CAPN7: variants seen among roughly 807,000 people sequenced by gnomAD.
CAPN7 encodes the protein calpain 7, also known as calpain-7.
A neutral mutation model predicts 115.2 loss-of-function variants in CAPN7; 72 were observed. The ratio of observed to expected loss-of-function variants is 0.63; its 90% CI spans 0.52 to 0.76. The LOEUF (loss-of-function observed/expected upper bound fraction) is 0.76. Ranked by LOEUF, CAPN7 falls within the 30% of genes least tolerant of loss-of-function variation. CAPN7 has a pLI of 0.00. For missense variants in CAPN7, 905 were observed against 971.5 expected (o/e 0.93, Z 0.91); for synonymous variants, 344 against 322.3 (o/e 1.07, Z -0.72).
chr3:15,214,689 C>T (rs972321457), intron 2 of CAPN7, among the ~76,000 whole-genome samples: 2 of 152,148 alleles, frequency 1.3e-5, no homozygotes, highest in African/African-American at 4.8e-5. Context: ...CTGCCCTCAG[C>T]CTGGATGACA....
At chr3:15,212,492 GTTAGGA>G (rs987498309) in intron 2 of CAPN7, among the ~76,000 whole-genome samples, 32 of 152,332 alleles carry the variant, frequency 2.1e-4, no homozygotes, top group African/African-American at 7.7e-4. Flanking sequence ...CATTGGCAAA[GTTAGGA>G]TTAGGATTCA....
intron 1 of CAPN7, among the ~76,000 whole-genome samples, chr3:15,207,132 G>C (rs2044674469): frequency 6.6e-6 from 1 of 152,138 alleles, no homozygotes; most frequent in Non-Finnish European, 1.5e-5. Flanking sequence ...AAGCCTGAAT[G>C]GTACAGCCTG....
Position 15,220,853 on chromosome 3 carries a change from A to G in CAPN7, c.510A>G (p.Pro170=), listed in dbSNP as rs1693938160. 2.5e-6 allele frequency: 4 copies of G among 1,614,058 alleles called. No homozygotes were observed. Among genetic ancestry groups the G allele is most frequent in the East Asian group, 2.2e-5 (1 of 44,896 alleles). The change falls in exon 5 of 21, where the codon CCA becomes CCG. Residue 170 remains proline (P), a synonymous_variant. Coordinates refer to ENST00000253693, the MANE Select transcript of CAPN7 (RefSeq NM_014296.3). ...GTTCAACAAGTGTTAAGCCAAAGCC[A>G]CCTCCAGTGAGAGCACATTTTCCAC... is the stretch of plus-strand genomic sequence containing the variant. ...KISSTSVKPK[P]PPVRAHFPLG... is the part of the protein sequence containing the mutation.
chr3:15,212,065 A>G lies in CAPN7; in HGVS notation c.103-39A>G, dbSNP rs180855962. ...TGTGATAAAGAAAATTCAAGTTGTAATACATCTATTGGATTCCTTTGAATT... is the reference window on the plus strand; with the variant it reads ...TGTGATAAAGAAAATTCAAGTTGTAGTACATCTATTGGATTCCTTTGAATT... On this transcript the variant is annotated intron_variant, in intron 1 of 20. Transcript: ENST00000253693. The G allele has an allele frequency of 3.0e-3, 3,883 of 1,279,130 alleles. 25 individuals are homozygous for G. The highest frequency in any genetic ancestry group is 0.014 in the South Asian group (962 of 69,890). The allele number at this position is 1,279,130 out of a possible 1,614,324, so 79.2% of individuals were successfully genotyped here. A position where few individuals can be genotyped will look rare whatever the true frequency, so the allele number is the denominator to read the frequency against.
chr3:15,242,656 G>A (rs1250438648), intron 16 of CAPN7, among the ~76,000 whole-genome samples: 3 of 152,218 alleles, frequency 2.0e-5, no homozygotes, highest in Middle Eastern at 3.4e-3. Flanking sequence ...GCTTCTCACA[G>A]TTGACATAGT....
Position 15,236,419 on chromosome 3 carries a change from G to A in CAPN7, c.1407+1274G>A, listed in dbSNP as rs564491550. ...CAAAAATAAAAAGATTATTAAACAA[G>A]TACTATTTCTTAATGAAGGACCCTT... On this transcript the variant is annotated intron_variant, in intron 12 of 20. Coordinates refer to ENST00000253693, the MANE Select transcript of CAPN7 (RefSeq NM_014296.3). Among the ~76,000 whole-genome samples, 5 of 152,286 alleles carry A rather than the reference G, an allele frequency of 3.3e-5. No homozygotes were observed. In the East Asian group the frequency reaches 7.7e-4, roughly 24 times the overall value.
In CAPN7 at chr3:15,250,968, A is replaced by T. The variant is rs540759115; in HGVS notation, c.2242A>T (p.Thr748Ser). The T allele has an allele frequency of 1.2e-6, 2 of 1,613,364 alleles. No homozygotes were observed. Among genetic ancestry groups the T allele is most frequent in the Admixed American group, 1.7e-5 (1 of 59,972 alleles). The change falls in exon 20 of 21, where the codon ACT becomes TCT. Residue 748 changes from threonine to serine, a missense_variant. Physicochemically the swap from Thr to Ser is moderately conservative, Grantham distance 58 (BLOSUM62 1). Transcript: ENST00000253693. ...SVGFEVVTVS[T>S]LGDPGPHGFL... ...TGGATTTGAGGTTGTAACAGTTTCT[A>T]CTCTAGGAGATCCTGGTCCCCATGG...
chr3:15,230,255 A>C (rs1013917023), intron 8 of CAPN7, among the ~76,000 whole-genome samples, 187 bp from the exon 9 acceptor site: 10 of 152,202 alleles, frequency 6.6e-5, no homozygotes, highest in African/African-American at 1.9e-4. Context: ...AAAATTACTT[A>C]CTAATAGTAA....
chr3:15,216,894 G>A (rs967571193), intron 2 of CAPN7, among the ~76,000 whole-genome samples: 1 of 152,060 alleles, frequency 6.6e-6, no homozygotes, highest in Non-Finnish European at 1.5e-5. Context: ...GATGTCTATT[G>A]TGTGGTAAAT....
chr3:15,226,750 T>C (rs902097393), intron 6 of CAPN7, among the ~76,000 whole-genome samples: 2 of 152,136 alleles, frequency 1.3e-5, no homozygotes, highest in Admixed American at 1.3e-4. Context: ...TTATTTAAAG[T>C]CTAGAGGTGT....
intron 1 of CAPN7, among the ~76,000 whole-genome samples, chr3:15,207,789 G>A (rs577058890): frequency 6.6e-6 from 1 of 151,910 alleles, no homozygotes; most frequent in Non-Finnish European, 1.5e-5. Context: ...TGAAACTGTC[G>A]TCTCCTATGA....
At chr3:15,217,626 A>G in intron 3 of CAPN7, 44 bp downstream of exon 3, 3 of 1,473,434 alleles carry the variant, frequency 2.0e-6, no homozygotes, top group Non-Finnish European at 2.7e-6. Flanking sequence ...ATGCCAAACC[A>G]TTTCTTCTCT....
intron 3 of CAPN7, 112 bp from the exon 4 acceptor site, chr3:15,218,361 C>T: frequency 1.4e-6 from 1 of 700,724 alleles, no homozygotes; most frequent in Non-Finnish European, 2.5e-6. Context: ...TTTGTTTGTT[C>T]TCAATTTCAG....
chr3:15,249,902 C>G (rs1272272460), intron 19 of CAPN7, among the ~76,000 whole-genome samples: 50 of 151,570 alleles, frequency 3.3e-4, no homozygotes, highest in Non-Finnish European at 5.5e-4. Context: ...GTAGCTGAGG[C>G]TACAGGTGCA....
chr3:15,244,812 A>G (rs772065470), intron 16 of CAPN7, among the ~76,000 whole-genome samples: 1 of 152,024 alleles, frequency 6.6e-6, no homozygotes, highest in Non-Finnish European at 1.5e-5. Context: ...GGGTGTAGAT[A>G]AAATGTCATA....
At position 15,245,507 on chromosome 3, in the gene CAPN7, C is replaced by A; in HGVS notation, c.1865-19C>A. Reference sequence around the variant, plus strand: ...AAAGAAAAGTCTCCTTTTCTCTAAGCCTACTTGTTTGTTTGCAGCTGACCC... The same window carrying A: ...AAAGAAAAGTCTCCTTTTCTCTAAGACTACTTGTTTGTTTGCAGCTGACCC... On this transcript the variant is annotated intron_variant, in intron 16 of 20. Coordinates refer to ENST00000253693, the MANE Select transcript of CAPN7 (RefSeq NM_014296.3). The A allele has an allele frequency of 6.2e-7, 1 of 1,602,126 alleles. No homozygotes were observed.
chr3:15,241,786 C>A (rs1695366257), intron 15 of CAPN7, among the ~76,000 whole-genome samples, 198 bp downstream of exon 15: 1 of 152,116 alleles, frequency 6.6e-6, no homozygotes, highest in Non-Finnish European at 1.5e-5. Flanking sequence ...GTTCAAAAGT[C>A]ATCTCTGAAG....
At position 15,217,406 on chromosome 3, in the gene CAPN7, A is replaced by AT. The variant is rs577905388; in HGVS notation, c.212-10dup. On this transcript the variant is annotated intron_variant, in intron 2 of 20. Transcript: ENST00000253693. Reference sequence around the variant, plus strand: ...TATTTAGATAATACTCCTTCTGCGTATTTTTTTTTCTATCCTAGTTCAGTC... The same window carrying AT: ...TATTTAGATAATACTCCTTCTGCGTATTTTTTTTTTCTATCCTAGTTCAGTC... 1.8e-3 allele frequency: 2,816 copies of AT among 1,524,726 alleles called. 1 individual carries two copies. Among genetic ancestry groups the AT allele is most frequent in the South Asian group, 2.3e-3 (186 of 80,632 alleles). 94.4% of individuals were successfully genotyped at this position (1,524,726 alleles called of 1,614,324 possible). A position where few individuals can be genotyped will look rare whatever the true frequency, so the allele number is the denominator to read the frequency against.
rs1694409232 is a variant in CAPN7, at chr3:15,227,704, C to G, written c.726-135C>G. The G allele has an allele frequency of 1.4e-5, 6 of 430,732 alleles. No individual in the cohort carries two copies. In the South Asian group the frequency reaches 6.9e-4, roughly 50 times the overall value. The allele number at this position is 430,732 out of a possible 1,614,324, so 26.7% of individuals were successfully genotyped here. A position where few individuals can be genotyped will look rare whatever the true frequency, so the allele number is the denominator to read the frequency against. ...GACTCTATAAAGAGCCAGATTTGAC[C>G]AGAAGGTTATTTTAAGATAATACAG... is the stretch of plus-strand genomic sequence containing the variant. On this transcript the variant is annotated intron_variant, in intron 6 of 20. Coordinates refer to ENST00000253693, the MANE Select transcript of CAPN7 (RefSeq NM_014296.3).
Sources: allele counts gnomAD v4.1 joint callset (sites outside exome capture counted in the v4.1 genomes callset), GRCh38; gene constraint gnomAD v4.1.1; transcripts MANE v1.5; gene names NCBI Gene and HGNC (gene_info 2026-07-23, HGNC 2026-07-21).